PRTFDC1: variants seen among roughly 807,000 people sequenced by gnomAD.
PRTFDC1 encodes the protein phosphoribosyltransferase domain-containing protein 1.
Under a neutral mutation model 34.6 loss-of-function variants are expected in PRTFDC1, and 38 were observed. The ratio of observed to expected loss-of-function variants is 1.10; its 90% CI spans 0.85 to 1.44. The LOEUF (loss-of-function observed/expected upper bound fraction) is 1.44. PRTFDC1 is among the 40% of genes most tolerant of loss of function. The pLI is 0.00. For synonymous variants in PRTFDC1, 93 were observed against 98.1 expected (o/e 0.95, Z 0.31); for missense variants, 270 against 283.0 (o/e 0.95, Z 0.33).
Position 24,849,882 on chromosome 10 carries a change from C to T in PRTFDC1, c.640G>A (p.Val214Ile), listed in dbSNP as rs769527801. Residue 214 changes from valine (V) to isoleucine (I), a missense_variant, in exon 9 of 9, where the codon GTC becomes ATC. Transcript: ENST00000320152. ...TTTTCTTTACCGTGCTCATTGATGA[C>T]GCATATGTGCTGAAACAATAAAGGA... is the stretch of plus-strand genomic sequence containing the variant. ...EYFRDLNHIC[V>I]INEHGKEKYR... 24 of 1,613,752 alleles carry T rather than the reference C, an allele frequency of 1.5e-5. No individual in the cohort carries two copies. The highest frequency in any genetic ancestry group is 3.3e-5 in the Admixed American group (2 of 60,004).
rs75004903 is a variant in PRTFDC1 at position 24,849,145 on chromosome 10, A to G, written c.*699T>C. 3.8e-4 allele frequency: 58 copies of G among 152,670 alleles called. No individual in the cohort carries two copies. The East Asian group carries it at 0.011, about 29-fold the overall frequency. The allele number at this position is 152,670 out of a possible 1,614,324, so 9.5% of individuals were successfully genotyped here. A position where few individuals can be genotyped will look rare whatever the true frequency, so the allele number is the denominator to read the frequency against. On this transcript the variant is annotated 3_prime_UTR_variant, in exon 9 of 9. Coordinates refer to ENST00000320152, the MANE Select transcript of PRTFDC1 (RefSeq NM_020200.7). The stretch of plus-strand genomic sequence containing the variant: ...GTATTTTTTTCTAATTAAAATTCAG[A>G]GTATTAAACACAGTTGAGTACATCC...
At chr10:24,886,758 C>T (rs12255347) in intron 3 of PRTFDC1, among the ~76,000 whole-genome samples, 18,061 of 151,944 alleles carry the variant, frequency 0.12, 2,678 homozygotes, top group African/African-American at 0.35. Context: ...ATTGCAGGTG[C>T]GTGCCACCAT....
In PRTFDC1 at chr10:24,872,014, G is replaced by T. The variant is rs760480090; in HGVS notation, c.389C>A (p.Ser130Ter). 1.6e-5 allele frequency: 26 copies of T among 1,612,000 alleles called. No homozygotes were observed. In the South Asian group the frequency reaches 1.6e-4, roughly 10 times the overall value. ...EMQIIGGDDL[S>*]TLAGKNVLIV... ...TGAACAAACCTTTCCAGCCAGCGTT[G>T]AAAGATCATCGCCTCCGATTATCTG... The change falls in exon 4 of 9, where the codon TCA becomes TAA. Residue 130 changes from serine to a stop codon, truncating the protein, a stop_gained. Transcript: ENST00000320152. LOFTEE classifies it high-confidence loss of function.
intron 3 of PRTFDC1, among the ~76,000 whole-genome samples, chr10:24,881,033 C>CTCTTTCTT (rs56134563): frequency 1.6e-3 from 209 of 132,130 alleles, no homozygotes; most frequent in Non-Finnish European, 2.9e-3. Flanking sequence ...CTCTCTCTAT[C>CTCTTTCTT]TCTTTCTTTC....
At chr10:24,908,009 T>C (rs1233362191) in intron 3 of PRTFDC1, among the ~76,000 whole-genome samples, 3 of 152,232 alleles carry the variant, frequency 2.0e-5, no homozygotes, top group African/African-American at 7.2e-5. Context: ...TAAAGTTTTC[T>C]AGCAACCAAG....
chr10:24,851,514 T>C (rs1565254294), intron 7 of PRTFDC1, 50 bp from the exon 8 acceptor site: 6 of 1,582,026 alleles, frequency 3.8e-6, no homozygotes, highest in East Asian at 2.2e-5. Flanking sequence ...ATTTAGATTA[T>C]ATAAATGCAA....
At chr10:24,859,628 G>A (rs10828712) in intron 4 of PRTFDC1, among the ~76,000 whole-genome samples, 18,011 of 152,144 alleles carry the variant, frequency 0.12, 1,344 homozygotes, top group South Asian at 0.21. Flanking sequence ...TACAGCCTGC[G>A]GAACTGTGAG....
intron 3 of PRTFDC1, chr10:24,908,449 C>G: frequency 1.3e-6 from 2 of 1,567,846 alleles, no homozygotes; most frequent in Non-Finnish European, 1.7e-6. Flanking sequence ...GGCTTGAAGA[C>G]AGTGAGCCCT....
chr10:24,918,870 G>A (rs757218065), intron 3 of PRTFDC1, among the ~76,000 whole-genome samples: 5 of 152,166 alleles, frequency 3.3e-5, no homozygotes, highest in Non-Finnish European at 7.3e-5. Context: ...AGTGAACGGT[G>A]GTAATGGGGC....
At chr10:24,851,567 C>G in intron 7 of PRTFDC1, 103 bp from the exon 8 acceptor site, 1 of 1,504,150 alleles carries the variant, frequency 6.6e-7, no homozygotes, top group Non-Finnish European at 8.9e-7. Flanking sequence ...GAGGACCTTT[C>G]ATTGAGGCAG....
intron 3 of PRTFDC1, among the ~76,000 whole-genome samples, chr10:24,883,565 A>C (rs545916158): frequency 6.6e-6 from 1 of 152,326 alleles, no homozygotes; most frequent in Non-Finnish European, 1.5e-5. Context: ...TCAGTTTAAA[A>C]ACAGATTCAG....
intron 3 of PRTFDC1, among the ~76,000 whole-genome samples, chr10:24,917,310 G>C (rs1364999036): frequency 1.3e-5 from 2 of 152,162 alleles, no homozygotes; most frequent in Non-Finnish European, 2.9e-5. Flanking sequence ...TCTGCAATGG[G>C]ATGCAGAAAG....
intron 3 of PRTFDC1, among the ~76,000 whole-genome samples, chr10:24,875,688 C>T (rs574116795): frequency 3.3e-5 from 5 of 152,092 alleles, no homozygotes; most frequent in African/African-American, 1.2e-4. Context: ...TTTGAAACAT[C>T]ATTTTGATCT....
chr10:24,853,573 A>C (rs1049759363), intron 7 of PRTFDC1, among the ~76,000 whole-genome samples: 2 of 152,100 alleles, frequency 1.3e-5, no homozygotes, highest in Non-Finnish European at 2.9e-5. Context: ...ACGCCACTGC[A>C]CTGGGCGACA....
chr10:24,917,664 A>C lies in PRTFDC1; in HGVS notation c.339+19520T>G, dbSNP rs1848715797. ...GTGAGACACCAAAAGAGCTGATGGG[A>C]AAGAGTTATGTGTCCATCAGGGGGC... On this transcript the variant is annotated intron_variant, in intron 3 of 8. Transcript: ENST00000320152. Among the ~76,000 whole-genome samples the C allele has an allele frequency of 2.6e-5, 4 of 152,066 alleles. No homozygotes were observed. The South Asian group carries it at 8.3e-4, about 31-fold the overall frequency.
intron 3 of PRTFDC1, among the ~76,000 whole-genome samples, chr10:24,887,778 C>A (rs1034734318): frequency 6.6e-6 from 1 of 152,190 alleles, no homozygotes; most frequent in Non-Finnish European, 1.5e-5. Context: ...CACCCCACCA[C>A]AACTGTAGGC....
chr10:24,873,608 G>T (rs1588583067), intron 3 of PRTFDC1, among the ~76,000 whole-genome samples: 2 of 152,258 alleles, frequency 1.3e-5, no homozygotes, highest in South Asian at 2.1e-4. Flanking sequence ...CATGGTTCAG[G>T]TAGGGCCAGG....
chr10:24,914,024 A>G (rs1357450049), intron 3 of PRTFDC1, among the ~76,000 whole-genome samples: 1 of 152,200 alleles, frequency 6.6e-6, no homozygotes. Flanking sequence ...CTCTAGTAGG[A>G]AAAGTGAAAT....
intron 3 of PRTFDC1, among the ~76,000 whole-genome samples, chr10:24,916,699 G>T (rs1848701531): frequency 6.6e-6 from 1 of 152,064 alleles, no homozygotes. Context: ...AACCCCTCCA[G>T]CCTACTCTGT....
Sources: allele counts gnomAD v4.1 joint callset (sites outside exome capture counted in the v4.1 genomes callset), GRCh38; gene constraint gnomAD v4.1.1; transcripts MANE v1.5; gene names NCBI Gene and HGNC (gene_info 2026-07-23, HGNC 2026-07-21).